MYG1: variants seen among roughly 807,000 people sequenced by gnomAD.
The protein encoded by MYG1 is MYG1 exonuclease.
Under a neutral mutation model 43.5 loss-of-function variants are expected in MYG1, and 36 were observed. The ratio of observed to expected loss-of-function variants is 0.83; its 90% CI spans 0.63 to 1.09. MYG1 has a LOEUF of 1.09. MYG1 is among the 50% of genes least tolerant of loss of function. The pLI, the probability that MYG1 is intolerant of heterozygous loss-of-function variation, is 0.00. For missense variants in MYG1, 529 were observed against 495.1 expected (o/e 1.07, Z -0.65); for synonymous variants, 220 against 202.8 (o/e 1.08, Z -0.72).
At chr12:53,302,924 A>G in intron 2 of MYG1, 110 bp from the exon 3 acceptor site, 1 of 1,276,544 alleles carries the variant, frequency 7.8e-7, no homozygotes. Context: ...TTAATGTCTA[A>G]TAAAACATAA....
intron 5 of MYG1, 77 bp downstream of exon 5, chr12:53,306,397 C>A: frequency 6.3e-7 from 1 of 1,583,672 alleles, no homozygotes; most frequent in Non-Finnish European, 8.6e-7. Context: ...TTCTTCTACC[C>A]TAAACCCTGG....
intron 5 of MYG1, 107 bp downstream of exon 5, chr12:53,306,427 T>G: frequency 6.6e-7 from 1 of 1,510,590 alleles, no homozygotes; most frequent in Non-Finnish European, 9.0e-7. Flanking sequence ...GCAGACAACC[T>G]CAACCTCTTA....
At chr12:53,306,596 A>G (rs1308086795) in intron 5 of MYG1, 84 bp from the exon 6 acceptor site, 20 of 1,431,596 alleles carry the variant, frequency 1.4e-5, no homozygotes, top group Non-Finnish European at 1.7e-5. Flanking sequence ...CTCCCACCTC[A>G]GCCTCCCAAA....
At chr12:53,303,463 T>C in intron 3 of MYG1, 1 of 374,824 alleles carries the variant, frequency 2.7e-6, no homozygotes. Context: ...CCCGTCTTTT[T>C]ATTGACACAC....
rs764330399 is a variant in MYG1, at chr12:53,299,762, C to G, written c.25C>G (p.Leu9Val). The G allele has an allele frequency of 3.1e-5, 50 of 1,613,726 alleles. No homozygotes were observed. Among genetic ancestry groups the G allele is most frequent in the Middle Eastern group, 1.7e-4 (1 of 6,060 alleles). The change falls in exon 1 of 7, where the codon CTC becomes GTC. Residue 9 changes from leucine (L) to valine (V), a missense_variant. Coordinates refer to ENST00000267103, the MANE Select transcript of MYG1 (RefSeq NM_021640.4). Reference protein sequence around the residue: MGHQFLRGLLTLLLPPPPL... With the variant: MGHQFLRGVLTLLLPPPPL... ...TATGGGACACCAATTCCTGCGCGGCCTCTTAACGCTGCTGCTGCCGCCGCC... is the reference window on the plus strand; with the variant it reads ...TATGGGACACCAATTCCTGCGCGGCGTCTTAACGCTGCTGCTGCCGCCGCC...
In MYG1 at chr12:53,306,819, G is replaced by A. The variant is rs11552382; in HGVS notation, c.905G>A (p.Arg302Gln). 79 of 1,614,000 alleles carry A rather than the reference G, an allele frequency of 4.9e-5. 1 individual carries two copies. Among genetic ancestry groups the A allele is most frequent in the South Asian group, 4.1e-4 (37 of 91,082 alleles). ...VIYTDQAGQW[R>Q]IQCVPKEPHS... ...TACACTGACCAGGCTGGACAGTGGC[G>A]AATACAGTGTGTGCCCAAGGAGCCC... The change falls in exon 6 of 7, where the codon CGA becomes CAA. Residue 302 changes from arginine to glutamine, a missense_variant. By Grantham distance (43) the Arg-to-Gln change is conservative. Transcript: ENST00000267103.
At chr12:53,305,492 C>T (rs1343952911) in intron 3 of MYG1, among the ~76,000 whole-genome samples, 1 of 152,138 alleles carries the variant, frequency 6.6e-6, no homozygotes, top group Non-Finnish European at 1.5e-5. Context: ...TGTTCTCAAC[C>T]AGAGCCGCTC....
intron 3 of MYG1, 94 bp from the exon 4 acceptor site, chr12:53,305,814 G>C (rs925012959): frequency 5.5e-6 from 8 of 1,454,226 alleles, no homozygotes; most frequent in African/African-American, 1.4e-5. Context: ...TCCTCACAGG[G>C]CTGAAAGAGT....
In MYG1 at chr12:53,303,036, C is replaced by T. The variant is rs1944242962; in HGVS notation, c.332C>T (p.Ser111Phe). ...RRHRYDHHQRSFTETMSSLSP... is the reference protein window; with the variant it reads ...RRHRYDHHQRFFTETMSSLSP... ...CCCCACCTCCCTATGCTCCTCAGGT[C>T]TTTCACAGAGACCATGAGCTCCCTG... Residue 111 changes from serine to phenylalanine, a missense_variant and splice_region_variant, in exon 3 of 7, where the codon TCT (serine) becomes TTT (phenylalanine). Transcript: ENST00000267103. The T allele has an allele frequency of 4.3e-6, 7 of 1,609,906 alleles. No individual in the cohort carries two copies. In the East Asian group the frequency reaches 1.6e-4, roughly 36 times the overall value.
chr12:53,305,762 C>A, intron 3 of MYG1, 146 bp from the exon 4 acceptor site: 1 of 1,032,128 alleles, frequency 9.7e-7, no homozygotes, highest in Non-Finnish European at 1.4e-6. Flanking sequence ...AGCTGCTGAA[C>A]TTGCCAATTC....
At position 53,303,083 on chromosome 12, in the gene MYG1, A is replaced by G. The variant is rs1944243455; in HGVS notation, c.379A>G (p.Thr127Ala). ...CCTGTCCCCTGGGAAGCCGTGGCAG[A>G]CCAAGCTGAGCAGTGCGGGACTCAT... is the stretch of plus-strand genomic sequence containing the variant. ...SSLSPGKPWQTKLSSAGLIYL... is the reference protein window; with the variant it reads ...SSLSPGKPWQAKLSSAGLIYL... Residue 127 changes from threonine to alanine, a missense_variant, in exon 3 of 7, where the codon ACC (threonine) becomes GCC (alanine). Coordinates refer to ENST00000267103, the MANE Select transcript of MYG1 (RefSeq NM_021640.4). 6.2e-6 allele frequency: 10 copies of G among 1,613,998 alleles called. No individual in the cohort carries two copies. Among genetic ancestry groups the G allele is most frequent in the Non-Finnish European group, 8.5e-6 (10 of 1,179,944 alleles).
intron 5 of MYG1, 137 bp downstream of exon 5, chr12:53,306,457 C>T (rs1592509302): frequency 7.6e-7 from 1 of 1,312,570 alleles, no homozygotes; most frequent in Non-Finnish European, 1.0e-6. Context: ...AGTCCTCCCA[C>T]CTCAGCCTCC....
chr12:53,305,839 T>C (rs1452865441), intron 3 of MYG1, 69 bp from the exon 4 acceptor site: 1 of 1,520,614 alleles, frequency 6.6e-7, no homozygotes, highest in Non-Finnish European at 8.8e-7. Context: ...ATGAACATAC[T>C]TTGAATCATG....
chr12:53,303,491 A>G, intron 3 of MYG1: 1 of 298,466 alleles, frequency 3.4e-6, no homozygotes, highest in South Asian at 4.9e-5. Context: ...GCAATTGCTC[A>G]GCACCTTTGG....
chr12:53,306,660 C>G lies in MYG1; in HGVS notation c.766-20C>G. On this transcript the variant is annotated intron_variant, in intron 5 of 6. Transcript: ENST00000267103. ...GCCCAGCCTACCTTAAACCTTCTAG[C>G]TATGCTCTCCCTCTTTCAGGTGGAC... The G allele has an allele frequency of 6.2e-7, 1 of 1,605,398 alleles. No individual in the cohort carries two copies. The highest frequency in any genetic ancestry group is 8.5e-7 in the Non-Finnish European group (1 of 1,175,490).
chr12:53,303,177 G>A lies in MYG1; in HGVS notation c.473G>A (p.Gly158Asp). Residue 158 changes from glycine to aspartate, a missense_variant, in exon 3 of 7, where the codon GGC becomes GAC. Coordinates refer to ENST00000267103, the MANE Select transcript of MYG1 (RefSeq NM_021640.4). ...LGTSEEDSMV[G>D]TLYDKMYENF... ...ACTAGTGAAGAGGACAGCATGGTGGGCACCCTCTATGACAAGGTGGGGACC... is the reference window on the plus strand; with the variant it reads ...ACTAGTGAAGAGGACAGCATGGTGGACACCCTCTATGACAAGGTGGGGACC... 1.9e-6 allele frequency: 3 copies of A among 1,613,932 alleles called. No individual in the cohort carries two copies. The highest frequency in any genetic ancestry group is 2.5e-6 in the Non-Finnish European group (3 of 1,179,950).
intron 5 of MYG1, 157 bp downstream of exon 5, chr12:53,306,477 G>A: frequency 8.5e-7 from 1 of 1,173,970 alleles, no homozygotes; most frequent in Non-Finnish European, 1.2e-6. Context: ...CTGAGTAGCT[G>A]GGACTACAGG....
Position 53,303,234 on chromosome 12 carries a change from C to G in MYG1, c.489+41C>G, listed in dbSNP as rs745377643. The G allele has an allele frequency of 5.0e-6, 8 of 1,598,898 alleles. No homozygotes were observed. The South Asian group carries it at 9.0e-5, about 18-fold the overall frequency. On this transcript the variant is annotated intron_variant, in intron 3 of 6. Transcript: ENST00000267103. ...CAGAGATGCCCCCCACATGCATTTC[C>G]AGCAGGCCGCCTGGGAGCAGTGCTC...
chr12:53,302,074 C>T (rs942138540), intron 2 of MYG1, among the ~76,000 whole-genome samples: 2 of 152,008 alleles, frequency 1.3e-5, no homozygotes, highest in African/African-American at 2.4e-5. Flanking sequence ...CTCCACCTCC[C>T]AGATTCAAGT....
Sources: allele counts gnomAD v4.1 joint callset (sites outside exome capture counted in the v4.1 genomes callset), GRCh38; gene constraint gnomAD v4.1.1; transcripts MANE v1.5; gene names NCBI Gene and HGNC (gene_info 2026-07-23, HGNC 2026-07-21).